The following ASB7 variants were observed in gnomAD, a reference collection of about 807,000 sequenced individuals.
ASB7 encodes ankyrin repeat and SOCS box containing 7, also known as ankyrin repeat and SOCS box protein 7.
Under a neutral mutation model 32.5 loss-of-function variants are expected in ASB7, and 4 were observed. The ratio of observed to expected loss-of-function variants is 0.12; its 90% confidence interval spans 0.06 to 0.28. The LOEUF is 0.28. ASB7 is among the 10% of genes least tolerant of loss of function. The pLI, the probability that ASB7 is intolerant of heterozygous loss-of-function variation, is 1.00. For synonymous variants in ASB7, 172 were observed against 155.6 expected, an observed-to-expected ratio of 1.11 and a Z score of -0.78; for missense variants, 181 against 407.1, an observed-to-expected ratio of 0.44 and a Z score of 4.78.
At chr15:100,618,264 G>A (rs932669956) in intron 4 of ASB7, among the ~76,000 whole-genome samples, 1 of 151,934 alleles carries the variant, frequency 6.6e-6, no homozygotes, top group Non-Finnish European at 1.5e-5. Context: ...CTACAGGTGT[G>A]TGCCACCACA....
chr15:100,603,191 ACT>A (rs2039580188), intron 1 of ASB7, 22 bp from the exon 2 acceptor site: 1 of 379,016 alleles, frequency 2.6e-6, no homozygotes, highest in Admixed American at 4.7e-5. Flanking sequence ...ACACTACACC[ACT>A]CACTGGTTTC....
At chr15:100,643,577 C>T (rs1464995188) in intron 5 of ASB7, among the ~76,000 whole-genome samples, 1 of 148,994 alleles carries the variant, frequency 6.7e-6, no homozygotes, top group Non-Finnish European at 1.5e-5. Context: ...GCAACCTCTG[C>T]CTCCTGGGTT....
intron 5 of ASB7, among the ~76,000 whole-genome samples, chr15:100,633,151 C>T (rs574849041): frequency 2.7e-5 from 4 of 150,010 alleles, no homozygotes; most frequent in South Asian, 2.1e-4. Flanking sequence ...AGGAAAGCTG[C>T]GTCCTGCTTA....
chr15:100,611,484 CT>C (rs61153969), intron 3 of ASB7, among the ~76,000 whole-genome samples: 4,247 of 77,226 alleles, frequency 0.055, 865 homozygotes, highest in African/African-American at 0.19. Flanking sequence ...TGTTTCGATT[CT>C]TTTTTTTTTT....
chr15:100,623,887 A>G (rs959012960), intron 4 of ASB7, among the ~76,000 whole-genome samples: 1 of 152,254 alleles, frequency 6.6e-6, no homozygotes, highest in Non-Finnish European at 1.5e-5. Flanking sequence ...GAATACCTGC[A>G]CTTGTGTGTT....
chr15:100,644,115 G>A (rs2039981601), intron 5 of ASB7, among the ~76,000 whole-genome samples: 1 of 152,084 alleles, frequency 6.6e-6, no homozygotes, highest in African/African-American at 2.4e-5. Flanking sequence ...GGGCGTGGTG[G>A]CACACGCCTA....
At chr15:100,603,876 C>T (rs28551627) in intron 2 of ASB7, among the ~76,000 whole-genome samples, 1 of 152,126 alleles carries the variant, frequency 6.6e-6, no homozygotes, top group Non-Finnish European at 1.5e-5. Context: ...AGAAAGCCAA[C>T]CTGTGTACCT....
At chr15:100,644,948 A>G (rs1180180974) in intron 5 of ASB7, among the ~76,000 whole-genome samples, 2 of 152,258 alleles carry the variant, frequency 1.3e-5, no homozygotes, top group Admixed American at 6.5e-5. Flanking sequence ...TTAAGAGACC[A>G]CATAGCAAGT....
chr15:100,603,802 G>C (rs1194411985), intron 2 of ASB7, among the ~76,000 whole-genome samples: 1 of 152,214 alleles, frequency 6.6e-6, no homozygotes, highest in Non-Finnish European at 1.5e-5. Context: ...ATTTGGTAGA[G>C]AAAGGTAAAT....
At position 100,629,485 on chromosome 15, in the gene ASB7, A is replaced by G; in HGVS notation, c.260A>G (p.Tyr87Cys). 1 of 1,614,082 alleles carries G rather than the reference A, an allele frequency of 6.2e-7. No homozygotes were observed. The highest frequency in any genetic ancestry group is 8.5e-7 in the Non-Finnish European group (1 of 1,179,920). The change falls in exon 5 of 6, where the codon TAT becomes TGT. Residue 87 changes from tyrosine (Y) to cysteine (C), a missense_variant. Coordinates refer to ENST00000332783, the MANE Select transcript of ASB7 (RefSeq NM_198243.3). This position sits in a 1 kb window ranked among gnomAD's most constrained non-coding sequence, Gnocchi z 6.8. ...ATCGGAGGCTTCACGGCTCTTCACT[A>G]TGCAGCCATGCATGGCCGGGCCCGC... ...DLIGGFTALH[Y>C]AAMHGRARIA...
intron 4 of ASB7, among the ~76,000 whole-genome samples, chr15:100,622,747 A>G (rs2039804900): frequency 6.6e-6 from 1 of 152,222 alleles, no homozygotes; most frequent in Admixed American, 6.5e-5. Context: ...GCAGAAGAAT[A>G]AAACCAGACC....
chr15:100,612,691 A>G (rs906060787), intron 4 of ASB7, among the ~76,000 whole-genome samples: 4 of 152,152 alleles, frequency 2.6e-5, no homozygotes, highest in Non-Finnish European at 5.9e-5. Context: ...CAGCTAAGCT[A>G]CCTTTCTTCA....
intron 5 of ASB7, among the ~76,000 whole-genome samples, chr15:100,644,231 C>T (rs1400200162): frequency 6.6e-6 from 1 of 152,162 alleles, no homozygotes; most frequent in Non-Finnish European, 1.5e-5. Context: ...CTGGGCAATA[C>T]AGTGAGACTG....
chr15:100,609,756 C>G lies in ASB7; in HGVS notation c.-124C>G, dbSNP rs113203376. The G allele has an allele frequency of 6.6e-6, 1 of 152,194 alleles. No homozygotes were observed. Among genetic ancestry groups the G allele is most frequent in the Non-Finnish European group, 1.5e-5 (1 of 68,028 alleles). The allele number at this position is 152,194 out of a possible 1,614,324, so 9.4% of individuals were successfully genotyped here. On this transcript the variant is annotated 5_prime_UTR_variant, in exon 3 of 6. Coordinates refer to ENST00000332783, the MANE Select transcript of ASB7 (RefSeq NM_198243.3). ...AGCCTGGACGTACTTTGAAGCCCCT[C>G]CCCACGATGCTGTACGTGCACAATG...
In ASB7 at chr15:100,629,100, C is replaced by T. The variant is rs1305703062; in HGVS notation, c.212-337C>T. 6.6e-6 allele frequency among the ~76,000 whole-genome samples: 1 copy of T among 152,148 alleles called. No homozygotes were observed. The highest frequency in any genetic ancestry group is 1.5e-5 in the Non-Finnish European group (1 of 68,032). On this transcript the variant is annotated intron_variant, in intron 4 of 5. Coordinates refer to ENST00000332783, the MANE Select transcript of ASB7 (RefSeq NM_198243.3). The surrounding 1 kb of genome is among the most constrained non-coding windows in gnomAD (Gnocchi z 6.8). ...TTCAAAACAGAAGAGAAACATGAAA[C>T]AGTGCAGAGATGAAGGAGTTGAGTA...
chr15:100,648,235 T>C, intron 5 of ASB7, 88 bp from the exon 6 acceptor site: 1 of 1,370,520 alleles, frequency 7.3e-7, no homozygotes, highest in South Asian at 1.6e-5. Flanking sequence ...TAGAGAGAAC[T>C]TCCAGGGAAA....
At chr15:100,630,927 G>A (rs1463558456) in intron 5 of ASB7, among the ~76,000 whole-genome samples, 3 of 152,138 alleles carry the variant, frequency 2.0e-5, no homozygotes, top group African/African-American at 2.4e-5. Context: ...TTGAGCCTTC[G>A]GTCATTATTA....
intron 5 of ASB7, among the ~76,000 whole-genome samples, chr15:100,643,206 G>A (rs2039973112): frequency 6.6e-6 from 1 of 152,126 alleles, no homozygotes; most frequent in Admixed American, 6.5e-5. Context: ...AGTAGTGAAT[G>A]TCCCAAGAGT....
chr15:100,635,121 C>G (rs557765414), intron 5 of ASB7, among the ~76,000 whole-genome samples: 1 of 152,182 alleles, frequency 6.6e-6, no homozygotes, highest in Non-Finnish European at 1.5e-5. Flanking sequence ...AGGTACAGCA[C>G]TGTTGGGGGG....
Sources: allele counts gnomAD v4.1 joint callset (sites outside exome capture counted in the v4.1 genomes callset), GRCh38; gene constraint gnomAD v4.1.1; non-coding constraint Gnocchi (gnomAD v3.1); transcripts MANE v1.5; gene names NCBI Gene and HGNC (gene_info 2026-07-23, HGNC 2026-07-21).